FAT3: variants seen among roughly 807,000 people sequenced by gnomAD.
The protein encoded by FAT3 is FAT atypical cadherin 3, also known as protocadherin Fat 3.
A neutral mutation model predicts 310.2 loss-of-function variants in FAT3; 95 were observed. The ratio of observed to expected loss-of-function variants is 0.31; its 90% CI spans 0.26 to 0.36. The LOEUF (loss-of-function observed/expected upper bound fraction) is 0.36. Among genes scored for constraint, FAT3 ranks in the 10% least tolerant of loss-of-function variants. The pLI, the probability that FAT3 is intolerant of heterozygous loss-of-function variation, is 1.00. For missense variants in FAT3, 5,408 were observed against 5,715.6 expected, an observed-to-expected ratio of 0.95 and a Z score of 1.74; for synonymous variants, 2,314 against 2,192.9, an observed-to-expected ratio of 1.06 and a Z score of -1.54.
At chr11:92,850,219 A>G (rs768904017) in intron 19 of FAT3, among the ~76,000 whole-genome samples, 12 of 152,308 alleles carry the variant, frequency 7.9e-5, no homozygotes, top group Admixed American at 2.6e-4. Context: ...TTAACTCCCT[A>G]CAAACTGGGA....
At chr11:92,815,749 C>T (rs779613787) in intron 13 of FAT3, among the ~76,000 whole-genome samples, 7 of 152,236 alleles carry the variant, frequency 4.6e-5, no homozygotes, top group East Asian at 3.9e-4. Context: ...GTAGCATAGA[C>T]GGTCAACAGT....
At chr11:92,558,416 G>A (rs992496610) in intron 3 of FAT3, among the ~76,000 whole-genome samples, 28 of 152,006 alleles carry the variant, frequency 1.8e-4, no homozygotes, top group Non-Finnish European at 3.2e-4. Flanking sequence ...GTGTGTGTGT[G>A]TGTGTGTATG....
chr11:92,469,976 T>C (rs899178468), intron 2 of FAT3, among the ~76,000 whole-genome samples: 11 of 152,234 alleles, frequency 7.2e-5, no homozygotes, highest in African/African-American at 2.7e-4. Context: ...TATCCAATCA[T>C]GCTCCAATTC....
intron 16 of FAT3, 57 bp downstream of exon 16, chr11:92,836,760 A>G (rs907448989): frequency 8.9e-6 from 14 of 1,580,258 alleles, no homozygotes; most frequent in African/African-American, 2.7e-5. Flanking sequence ...TCCTAGAATC[A>G]GGGGCACAAG....
At chr11:92,586,426 C>T (rs1227642667) in intron 3 of FAT3, among the ~76,000 whole-genome samples, 1 of 151,902 alleles carries the variant, frequency 6.6e-6, no homozygotes, top group Non-Finnish European at 1.5e-5. Flanking sequence ...CCACTCAGTG[C>T]CACAGATGAT....
chr11:92,622,798 AG>A (rs2135673494), intron 3 of FAT3, among the ~76,000 whole-genome samples: 2 of 152,358 alleles, frequency 1.3e-5, no homozygotes, highest in South Asian at 4.1e-4. Context: ...TTAATTAAAA[AG>A]AATTTAAATC....
chr11:92,412,867 C>T (rs1024734729), intron 2 of FAT3, among the ~76,000 whole-genome samples: 6 of 150,974 alleles, frequency 4.0e-5, no homozygotes, highest in Non-Finnish European at 8.9e-5. Flanking sequence ...CACACATGCA[C>T]AGCCTTCCCT....
chr11:92,307,337 T>C (rs184978031), intron 1 of FAT3, among the ~76,000 whole-genome samples: 4 of 152,182 alleles, frequency 2.6e-5, no homozygotes, highest in East Asian at 3.9e-4. Context: ...AAAGTTTTCC[T>C]TTGTTTAATT....
intron 4 of FAT3, among the ~76,000 whole-genome samples, chr11:92,706,624 C>G (rs534884260): frequency 1.4e-4 from 21 of 152,240 alleles, no homozygotes; most frequent in Admixed American, 3.3e-4. Context: ...AGCCAACGAA[C>G]CCCTGTTTTG....
At chr11:92,602,330 T>G (rs1013815141) in intron 3 of FAT3, among the ~76,000 whole-genome samples, 10 of 152,190 alleles carry the variant, frequency 6.6e-5, no homozygotes, top group African/African-American at 2.4e-4. Context: ...CTTGAACTTC[T>G]GACCTCAGGT....
chr11:92,802,413 T>G (rs965637064), intron 10 of FAT3, among the ~76,000 whole-genome samples: 3 of 152,176 alleles, frequency 2.0e-5, no homozygotes, highest in African/African-American at 7.2e-5. Context: ...TCCTAAATTA[T>G]CACTACAAAT....
intron 4 of FAT3, among the ~76,000 whole-genome samples, chr11:92,745,437 A>G (rs1945631190): frequency 6.6e-6 from 1 of 152,218 alleles, no homozygotes; most frequent in Non-Finnish European, 1.5e-5. Context: ...ATTGTACTAA[A>G]GAAACTTTGA....
intron 24 of FAT3, among the ~76,000 whole-genome samples, chr11:92,884,167 A>G (rs1949744111): frequency 6.6e-6 from 1 of 152,218 alleles, no homozygotes; most frequent in Non-Finnish European, 1.5e-5. Flanking sequence ...CTTGGTGTGT[A>G]GAAGAACACA....
chr11:92,242,719 G>A lies in FAT3; in HGVS notation c.-18+17545G>A, dbSNP rs1252307560. 3.3e-5 allele frequency among the ~76,000 whole-genome samples: 5 copies of A among 151,872 alleles called. No homozygotes were observed. In the East Asian group the frequency reaches 9.7e-4, roughly 29 times the overall value. ...TGAAAGTGTGTTTCTGAACTACCAG[G>A]GAATTGGTTTCGTATCTGAATCTTA... is the stretch of plus-strand genomic sequence containing the variant. On this transcript the variant is annotated intron_variant, in intron 1 of 27. Coordinates refer to ENST00000525166, the MANE Select transcript of FAT3 (RefSeq NM_001367949.2).
intron 22 of FAT3, among the ~76,000 whole-genome samples, chr11:92,871,577 T>C (rs897268418): frequency 2.0e-5 from 3 of 152,222 alleles, no homozygotes; most frequent in African/African-American, 7.2e-5. Flanking sequence ...AAGGACCTTG[T>C]TTAAATGACA....
intron 6 of FAT3, among the ~76,000 whole-genome samples, chr11:92,771,056 A>G (rs181872393): frequency 6.6e-6 from 1 of 152,190 alleles, no homozygotes; most frequent in East Asian, 1.9e-4. Flanking sequence ...CTCGCTTTTA[A>G]CCATCTCTGC....
chr11:92,883,483 C>T lies in FAT3; in HGVS notation c.12937+90C>T, dbSNP rs953411366. Reference sequence around the variant, plus strand: ...AGGACGCTACGGGAAGGGAGAGAGACCCCGCATGCAGAGCATTCGCTATGA... The same window carrying T: ...AGGACGCTACGGGAAGGGAGAGAGATCCCGCATGCAGAGCATTCGCTATGA... On this transcript the variant is annotated intron_variant, in intron 24 of 27. Coordinates refer to ENST00000525166, the MANE Select transcript of FAT3 (RefSeq NM_001367949.2). This position sits in a 1 kb window ranked among gnomAD's most constrained non-coding sequence, Gnocchi z 4.2. 139 of 1,456,804 alleles carry T rather than the reference C, an allele frequency of 9.5e-5. No homozygotes were observed. Among genetic ancestry groups the T allele is most frequent in the Middle Eastern group, 2.6e-4 (1 of 3,920 alleles). The allele number at this position is 1,456,804 out of a possible 1,614,324, so 90.2% of individuals were successfully genotyped here.
At chr11:92,865,485 T>C (rs1279608096) in intron 21 of FAT3, among the ~76,000 whole-genome samples, 8 of 152,208 alleles carry the variant, frequency 5.3e-5, no homozygotes, top group African/African-American at 1.9e-4. Flanking sequence ...CACAGAACTA[T>C]GAATGCCAAC....
At chr11:92,567,861 G>T (rs1014528513) in intron 3 of FAT3, among the ~76,000 whole-genome samples, 1 of 142,082 alleles carries the variant, frequency 7.0e-6, no homozygotes, top group Non-Finnish European at 1.5e-5. Context: ...ACAGGAAGGG[G>T]AAGGGAACAT....
Sources: gnomAD v4.1 joint callset for allele counts (sites outside exome capture counted in the v4.1 genomes callset) on GRCh38, gnomAD v4.1.1 for gene constraint, Gnocchi (gnomAD v3.1) non-coding constraint, MANE v1.5 for transcripts, NCBI Gene and HGNC (gene_info 2026-07-23, HGNC 2026-07-21) for gene names.